The following STPG4 variants were observed in gnomAD, a reference collection of about 807,000 sequenced individuals.
STPG4 encodes protein STPG4.
STPG4 carries 41 observed loss-of-function variants against 31.5 expected under a neutral mutation model. The observed-to-expected ratio is 1.30, with a 90% CI of 1.01 to 1.69. The LOEUF (loss-of-function observed/expected upper bound fraction) is 1.69. Among genes scored for constraint, STPG4 ranks in the 40% most tolerant of loss-of-function variants. The pLI is 0.00. For missense variants in STPG4, 375 were observed against 293.4 expected (o/e 1.28, Z -2.03); for synonymous variants, 141 against 103.0 (o/e 1.37, Z -2.24).
Position 47,133,597 on chromosome 2 carries a change from G to A in STPG4, c.400-3337C>T, listed in dbSNP as rs1470097209. Among the ~76,000 whole-genome samples the A allele has an allele frequency of 3.2e-4, 3 of 9,346 alleles. No individual in the cohort carries two copies. In the Admixed American group the frequency reaches 3.6e-3, roughly 11 times the overall value. 6.1% of individuals were successfully genotyped at this position (9,346 alleles called of 152,430 possible). ...TTTTTTTTTTTTTTTTTTTTTTTGA[G>A]ACTGAGTTTGGCTCTTGTCGCCCAG... On this transcript the variant is annotated intron_variant, in intron 3 of 6. Transcript: ENST00000445927.
At chr2:47,106,494 C>T (rs1418923705) in intron 5 of STPG4, among the ~76,000 whole-genome samples, 1 of 151,888 alleles carries the variant, frequency 6.6e-6, no homozygotes, top group Non-Finnish European at 1.5e-5. Context: ...ATTTCTCAGA[C>T]AGTTTGCAAG....
chr2:47,124,189 G>A (rs1329833502), intron 5 of STPG4, among the ~76,000 whole-genome samples: 3 of 151,954 alleles, frequency 2.0e-5, no homozygotes, highest in Admixed American at 6.6e-5. Flanking sequence ...CACCATGTTG[G>A]CCAGGCTGGT....
chr2:47,117,855 C>G (rs1686182660), intron 5 of STPG4, among the ~76,000 whole-genome samples: 1 of 152,072 alleles, frequency 6.6e-6, no homozygotes, highest in Non-Finnish European at 1.5e-5. Context: ...GTGGGGAAAC[C>G]TGGCCTCATG....
Position 47,131,832 on chromosome 2 carries a change from T to C in STPG4, c.400-1572A>G. 1.3e-5 allele frequency among the ~76,000 whole-genome samples: 2 copies of C among 152,204 alleles called. 1 individual carries two copies. Among genetic ancestry groups the C allele is most frequent in the Non-Finnish European group, 2.9e-5 (2 of 68,034 alleles). On this transcript the variant is annotated intron_variant, in intron 3 of 6. Transcript: ENST00000445927. ...CGGGTGGCTCCATTGCCCCTGGGTC[T>C]AGGGACATTAGCCCACAGTTATGAT...
At chr2:47,094,313 C>G (rs6753769) in intron 5 of STPG4, among the ~76,000 whole-genome samples, 2 of 152,142 alleles carry the variant, frequency 1.3e-5, no homozygotes, top group African/African-American at 4.8e-5. Context: ...CAGGGGAGAA[C>G]AGAATAGTCA....
At chr2:47,100,922 G>T (rs532061642) in intron 5 of STPG4, among the ~76,000 whole-genome samples, 1 of 151,880 alleles carries the variant, frequency 6.6e-6, no homozygotes, top group South Asian at 2.1e-4. Context: ...TCACCACGAG[G>T]GTCCGCGGCT....
At chr2:47,124,065 C>A (rs1232844716) in intron 5 of STPG4, among the ~76,000 whole-genome samples, 1 of 152,096 alleles carries the variant, frequency 6.6e-6, no homozygotes, top group South Asian at 2.1e-4. Flanking sequence ...TCACTGCAAC[C>A]TCTGCCTCCC....
intron 2 of STPG4, among the ~76,000 whole-genome samples, chr2:47,151,872 C>T (rs887455628): frequency 3.3e-5 from 5 of 151,692 alleles, no homozygotes; most frequent in African/African-American, 1.2e-4. Context: ...TCCCAAGTAG[C>T]TGGGACTACA....
At chr2:47,107,348 T>C (rs1685935939) in intron 5 of STPG4, among the ~76,000 whole-genome samples, 1 of 152,102 alleles carries the variant, frequency 6.6e-6, no homozygotes. Flanking sequence ...CGGGTGGGCA[T>C]GGGCTTGGTG....
At chr2:47,107,848 C>T (rs1228108211) in intron 5 of STPG4, among the ~76,000 whole-genome samples, 4 of 152,132 alleles carry the variant, frequency 2.6e-5, no homozygotes, top group Admixed American at 2.6e-4. Context: ...CCAATTAGCA[C>T]CCTGTGTCTA....
intron 3 of STPG4, among the ~76,000 whole-genome samples, chr2:47,140,990 G>A (rs766112994): frequency 2.6e-5 from 4 of 151,540 alleles, no homozygotes; most frequent in Non-Finnish European, 5.9e-5. Flanking sequence ...AGATTCAAGC[G>A]ACTGTCCCGC....
At chr2:47,142,037 T>C (rs1686722476) in intron 3 of STPG4, among the ~76,000 whole-genome samples, 1 of 150,600 alleles carries the variant, frequency 6.6e-6, no homozygotes, top group Non-Finnish European at 1.5e-5. Flanking sequence ...ACCATCCTGT[T>C]GAAAATCCCT....
intron 5 of STPG4, among the ~76,000 whole-genome samples, chr2:47,091,164 G>GGGAGGGAGGGGAAGGAA (rs1459880224): frequency 6.8e-6 from 1 of 147,114 alleles, no homozygotes. Flanking sequence ...GAGGGAGGGA[G>GGGAGGGAGGGGAAGGAA]GGAGGGAGGG....
rs555956540 is a variant in STPG4, at chr2:47,124,046, G to A, written c.519+5895C>T. Reference sequence around the variant, plus strand: ...TGCCCATTCTGGTGTGCAGTGGCGCGATCTCAGCTCACTGCAACCTCTGCC... The same window carrying A: ...TGCCCATTCTGGTGTGCAGTGGCGCAATCTCAGCTCACTGCAACCTCTGCC... On this transcript the variant is annotated intron_variant, in intron 5 of 6. Coordinates refer to ENST00000445927, the MANE Select transcript of STPG4 (RefSeq NM_001163561.2). Among the ~76,000 whole-genome samples the A allele has an allele frequency of 2.0e-4, 31 of 151,878 alleles. 1 individual carries two copies. The South Asian group carries it at 3.3e-3, about 16-fold the overall frequency.
At chr2:47,117,823 C>A (rs1686182110) in intron 5 of STPG4, among the ~76,000 whole-genome samples, 2 of 152,154 alleles carry the variant, frequency 1.3e-5, no homozygotes, top group Admixed American at 6.5e-5. Context: ...CATATGAACT[C>A]ATTCTACTGC....
At chr2:47,092,767 G>A (rs1053277485) in intron 5 of STPG4, among the ~76,000 whole-genome samples, 1 of 150,422 alleles carries the variant, frequency 6.6e-6, no homozygotes, top group Non-Finnish European at 1.5e-5. Flanking sequence ...TTTCGCAGAA[G>A]AAGCACTGCA....
chr2:47,088,366 T>C (rs1020850374), intron 6 of STPG4, among the ~76,000 whole-genome samples: 11 of 152,262 alleles, frequency 7.2e-5, no homozygotes, highest in Non-Finnish European at 1.2e-4. Context: ...TGGTGGCACA[T>C]GCACATATTC....
chr2:47,139,093 C>T (rs1408343145), intron 3 of STPG4, among the ~76,000 whole-genome samples: 1 of 152,210 alleles, frequency 6.6e-6, no homozygotes, highest in African/African-American at 2.4e-5. Flanking sequence ...AGTCTATAGA[C>T]ATAAATTATA....
chr2:47,106,712 G>C (rs1685919109), intron 5 of STPG4, among the ~76,000 whole-genome samples: 1 of 151,962 alleles, frequency 6.6e-6, no homozygotes, highest in Non-Finnish European at 1.5e-5. Context: ...TCTGAAATCA[G>C]ACAATGCCTT....
Sources: allele counts gnomAD v4.1 joint callset (sites outside exome capture counted in the v4.1 genomes callset), GRCh38; gene constraint gnomAD v4.1.1; transcripts MANE v1.5; gene names NCBI Gene and HGNC (gene_info 2026-07-23, HGNC 2026-07-21).